Variants in HDAC9 observed in about 807,000 individuals in gnomAD.
HDAC9 encodes the protein histone deacetylase 9, also known as MEF-2 interacting transcription repressor (MITR) protein.
In HDAC9, 41 loss-of-function variants were observed where a neutral mutation model predicts 139.4. The observed-to-expected ratio is 0.29, with a 90% CI of 0.23 to 0.38. HDAC9 has a LOEUF of 0.38. HDAC9 is among the 10% of genes least tolerant of loss of function. The pLI, the probability that HDAC9 is intolerant of heterozygous loss-of-function variation, is 1.00. For synonymous variants in HDAC9, 517 were observed against 476.2 expected, an observed-to-expected ratio of 1.09 and a Z score of -1.12; for missense variants, 1,147 against 1,297.0, an observed-to-expected ratio of 0.88 and a Z score of 1.78.
At chr7:18,213,961 A>G (rs1214701241) in intron 2 of HDAC9, among the ~76,000 whole-genome samples, 1 of 151,890 alleles carries the variant, frequency 6.6e-6, no homozygotes, top group African/African-American at 2.4e-5. Context: ...TTCCTTCCCC[A>G]GTTTAAGAGG....
intron 13 of HDAC9, among the ~76,000 whole-genome samples, chr7:18,746,501 T>C (rs1451464033): frequency 2.0e-5 from 3 of 152,172 alleles, no homozygotes; most frequent in Non-Finnish European, 4.4e-5. Context: ...TGTAGAAATA[T>C]AAAGCTAAGT....
intron 1 of HDAC9, among the ~76,000 whole-genome samples, chr7:18,467,126 T>C (rs569691581): frequency 6.6e-6 from 1 of 152,314 alleles, no homozygotes; most frequent in South Asian, 2.1e-4. Context: ...AAATAAACTT[T>C]AATAAGGCCA....
intron 2 of HDAC9, among the ~76,000 whole-genome samples, chr7:18,533,498 G>T (rs1033939603): frequency 6.6e-6 from 1 of 152,022 alleles, no homozygotes; most frequent in Non-Finnish European, 1.5e-5. Context: ...GTATGACTGG[G>T]CATAGAACCC....
At chr7:18,346,875 G>A (rs1782457747) in intron 1 of HDAC9, among the ~76,000 whole-genome samples, 1 of 152,076 alleles carries the variant, frequency 6.6e-6, no homozygotes, top group African/African-American at 2.4e-5. Flanking sequence ...TTCTTCATCT[G>A]AGGAAAGTGG....
intron 16 of HDAC9, among the ~76,000 whole-genome samples, chr7:18,789,056 C>T (rs1026548307): frequency 2.0e-5 from 3 of 152,052 alleles, no homozygotes; most frequent in Admixed American, 1.3e-4. Flanking sequence ...CATATTCTTT[C>T]GATGCTATCA....
At position 18,958,214 on chromosome 7, in the gene HDAC9, A is replaced by T. The variant is rs115646516; in HGVS notation, c.3022+3984A>T. Among the ~76,000 whole-genome samples the T allele has an allele frequency of 6.8e-3, 1,030 of 152,322 alleles. 16 individuals are homozygous for T. Among genetic ancestry groups the T allele is most frequent in the African/African-American group, 0.024 (991 of 41,582 alleles). ...TCCTGACAGGTGAAGACCCTTCCTGACAGGAGAGGGTCTGGTTCCATCTTA... is the reference window on the plus strand; with the variant it reads ...TCCTGACAGGTGAAGACCCTTCCTGTCAGGAGAGGGTCTGGTTCCATCTTA... On this transcript the variant is annotated intron_variant, in intron 24 of 25. Coordinates refer to ENST00000686413, the MANE Select transcript of HDAC9 (RefSeq NM_178425.4).
chr7:18,766,407 TACTC>T (rs1164828805), intron 15 of HDAC9, among the ~76,000 whole-genome samples: 1 of 152,186 alleles, frequency 6.6e-6, no homozygotes, highest in Non-Finnish European at 1.5e-5. Flanking sequence ...TTCTAAGAGA[TACTC>T]ACAATTCAGT....
At chr7:18,325,683 A>AAAAAAAT (rs1800386162) in intron 1 of HDAC9, 1 of 151,880 alleles carries the variant, frequency 6.6e-6, no homozygotes, top group African/African-American at 2.4e-5. Flanking sequence ...AATCTAAGCA[A>AAAAAAAT]AAAAAAATAA....
At chr7:18,714,999 GT>G (rs1343052313) in intron 12 of HDAC9, among the ~76,000 whole-genome samples, 1 of 152,144 alleles carries the variant, frequency 6.6e-6, no homozygotes, top group Non-Finnish European at 1.5e-5. Flanking sequence ...TTATTTTTAA[GT>G]TTGAGGAAAT....
chr7:18,339,332 T>C (rs1781817567), intron 1 of HDAC9, among the ~76,000 whole-genome samples: 2 of 151,496 alleles, frequency 1.3e-5, no homozygotes, highest in Admixed American at 6.6e-5. Context: ...TCTCTTTTTC[T>C]AGTTTCGTAA....
chr7:18,771,247 C>T (rs1585008511), intron 16 of HDAC9, among the ~76,000 whole-genome samples: 1 of 152,176 alleles, frequency 6.6e-6, no homozygotes, highest in Non-Finnish European at 1.5e-5. Flanking sequence ...CTTTTTATTA[C>T]GACTTTTACT....
chr7:18,768,295 C>T (rs1201874234), intron 16 of HDAC9, among the ~76,000 whole-genome samples: 1 of 152,140 alleles, frequency 6.6e-6, no homozygotes, highest in South Asian at 2.1e-4. Context: ...ACATCCTTGT[C>T]GAGGAGTTCC....
chr7:18,588,732 G>A (rs906903955), intron 3 of HDAC9, among the ~76,000 whole-genome samples: 1 of 152,028 alleles, frequency 6.6e-6, no homozygotes, highest in Non-Finnish European at 1.5e-5. Flanking sequence ...ATCTGGGCGT[G>A]TGTGAAAAAA....
intron 1 of HDAC9, among the ~76,000 whole-genome samples, chr7:18,104,107 C>G (rs888571264): frequency 3.3e-5 from 5 of 152,182 alleles, no homozygotes; most frequent in Non-Finnish European, 7.3e-5. Context: ...AAAACCCGTG[C>G]AGACAAGGGG....
At chr7:18,897,899 T>C (rs1166670189) in intron 22 of HDAC9, among the ~76,000 whole-genome samples, 2 of 151,818 alleles carry the variant, frequency 1.3e-5, no homozygotes, top group Non-Finnish European at 2.9e-5. Context: ...TGCTTTTAAA[T>C]ATCGTGTCCA....
chr7:18,967,712 A>C (rs1563093159), intron 24 of HDAC9, among the ~76,000 whole-genome samples: 3 of 152,180 alleles, frequency 2.0e-5, no homozygotes, highest in South Asian at 4.1e-4. Flanking sequence ...TATGAAGTTA[A>C]TGACATTTAA....
intron 3 of HDAC9, among the ~76,000 whole-genome samples, chr7:18,585,822 G>C (rs570328966): frequency 1.3e-5 from 2 of 151,996 alleles, no homozygotes; most frequent in East Asian, 1.9e-4. Flanking sequence ...TGCCCCATCT[G>C]CTCTCCACCA....
chr7:18,439,465 T>G (rs934243123), intron 1 of HDAC9, among the ~76,000 whole-genome samples: 1 of 152,116 alleles, frequency 6.6e-6, no homozygotes, highest in Non-Finnish European at 1.5e-5. Context: ...CTCAAGAACT[T>G]TTGCCCATCT....
chr7:18,666,557 G>A lies in HDAC9; in HGVS notation c.1731+81G>A, dbSNP rs147488383. On this transcript the variant is annotated intron_variant, in intron 12 of 25. Transcript: ENST00000686413. ...GAAATGCATTGCAGGTTTGGTAAAT[G>A]GATATGATTTCCTATCAGTTTATAT... The A allele has an allele frequency of 9.2e-5, 141 of 1,536,080 alleles. No individual in the cohort carries two copies. In the African/African-American group the frequency reaches 1.5e-3, roughly 16 times the overall value.
Sources: gnomAD v4.1 joint callset for allele counts (sites outside exome capture counted in the v4.1 genomes callset) on GRCh38, gnomAD v4.1.1 for gene constraint, MANE v1.5 for transcripts, NCBI Gene and HGNC (gene_info 2026-07-23, HGNC 2026-07-21) for gene names.